Variants in ELL2 observed in about 807,000 individuals in gnomAD.
The protein encoded by ELL2 is RNA polymerase II elongation factor ELL2.
Under a neutral mutation model 72.8 loss-of-function variants are expected in ELL2, and 21 were observed. The observed-to-expected ratio is 0.29, with a 90% CI of 0.20 to 0.42. ELL2 has a LOEUF of 0.42. Ranked by LOEUF, ELL2 falls within the 10% of genes least tolerant of loss-of-function variation. The pLI is 1.00. For missense variants in ELL2, 568 were observed against 772.8 expected, an observed-to-expected ratio of 0.73 and a Z score of 3.14; for synonymous variants, 266 against 283.2, an observed-to-expected ratio of 0.94 and a Z score of 0.61.
At position 95,960,322 on chromosome 5, in the gene ELL2, G is replaced by A. The variant is rs257683; in HGVS notation, c.147+1253C>T. ...CCCATATGGCATATCCCTCCCTCAC[G>A]CGATGTATCCACTCCGGTCTCCCAC... On this transcript the variant is annotated intron_variant, in intron 1 of 11. Coordinates refer to ENST00000237853, the MANE Select transcript of ELL2 (RefSeq NM_012081.6). Among the ~76,000 whole-genome samples the A allele has an allele frequency of 2.1e-3, 312 of 151,356 alleles. 2 individuals are homozygous for A. In the South Asian group the frequency reaches 0.029, roughly 14 times the overall value.
chr5:95,952,934 G>C (rs1320849011), intron 1 of ELL2, among the ~76,000 whole-genome samples: 1 of 152,204 alleles, frequency 6.6e-6, no homozygotes, highest in Non-Finnish European at 1.5e-5. Flanking sequence ...AGGCAGAGAG[G>C]TAGGAGGAAA....
In ELL2 at chr5:95,961,786, T is replaced by C; in HGVS notation, c.-65A>G. The C allele has an allele frequency of 1.3e-5, 19 of 1,491,528 alleles. No homozygotes were observed. Among genetic ancestry groups the C allele is most frequent in the Non-Finnish European group, 1.7e-5 (19 of 1,123,532 alleles). The allele number at this position is 1,491,528 out of a possible 1,614,324, so 92.4% of individuals were successfully genotyped here. On this transcript the variant is annotated 5_prime_UTR_variant, in exon 1 of 12. Coordinates refer to ENST00000237853, the MANE Select transcript of ELL2 (RefSeq NM_012081.6). ...CTCTAGCCTCCACTGCGGCCGCGGCTGCTTGGGCTTCTGCAGCCGCCGCCA... is the reference window on the plus strand; with the variant it reads ...CTCTAGCCTCCACTGCGGCCGCGGCCGCTTGGGCTTCTGCAGCCGCCGCCA...
chr5:95,907,296 A>ATATATATATTTTTTTTTT, intron 4 of ELL2, among the ~76,000 whole-genome samples: 73 of 116,472 alleles, frequency 6.3e-4, no homozygotes, highest in African/African-American at 2.7e-3. Flanking sequence ...ATATATATAT[A>ATATATATATTTTTTTTTT]TTTTTTTTTT....
chr5:95,888,897 G>C lies in ELL2; in HGVS notation c.1897C>G (p.Gln633Glu), dbSNP rs965443805. The change falls in exon 12 of 12, where the codon CAA becomes GAA. Residue 633 changes from glutamine to glutamate, a missense_variant. Gln to Glu is a conservative substitution (Grantham distance 29, BLOSUM62 2). This residue lies in a region of ELL2 where 511 missense variants were observed against 728.4 expected (regional missense o/e 0.70). Coordinates refer to ENST00000237853, the MANE Select transcript of ELL2 (RefSeq NM_012081.6). ...HIKRLIGEFD[Q>E]QQAESWS ...TAGGACCATGACTCTGCTTGCTGTTGGTCAAATTCACCTATTAGCCTTTTG... is the reference window on the plus strand; with the variant it reads ...TAGGACCATGACTCTGCTTGCTGTTCGTCAAATTCACCTATTAGCCTTTTG... The C allele has an allele frequency of 1.2e-6, 2 of 1,609,328 alleles. No homozygotes were observed. Among genetic ancestry groups the C allele is most frequent in the Non-Finnish European group, 1.7e-6 (2 of 1,179,174 alleles).
intron 3 of ELL2, among the ~76,000 whole-genome samples, chr5:95,916,026 G>C (rs971185715): frequency 6.6e-6 from 1 of 151,796 alleles, no homozygotes; most frequent in Non-Finnish European, 1.5e-5. Context: ...CAGAAGGAAA[G>C]AAAAGAGGCC....
chr5:95,907,296 A>ATCTTTTTTTTTTTTTTT, intron 4 of ELL2, among the ~76,000 whole-genome samples: 1 of 116,522 alleles, frequency 8.6e-6, no homozygotes, highest in Non-Finnish European at 1.6e-5. Context: ...ATATATATAT[A>ATCTTTTTTTTTTTTTTT]TTTTTTTTTT....
At chr5:95,928,808 C>G (rs1170477946) in intron 2 of ELL2, among the ~76,000 whole-genome samples, 2 of 152,172 alleles carry the variant, frequency 1.3e-5, no homozygotes, top group Non-Finnish European at 2.9e-5. Context: ...GTCAATATGA[C>G]TCTGTCAGTC....
chr5:95,947,507 C>T (rs1388348875), intron 1 of ELL2, among the ~76,000 whole-genome samples: 4 of 152,252 alleles, frequency 2.6e-5, no homozygotes, highest in Non-Finnish European at 5.9e-5. Context: ...TTATATCTAT[C>T]GTCTCAAGTG....
rs1384808837 is a variant in ELL2, at chr5:95,950,930, A to G, written c.148-7881T>C. ...TATATATATATATATATATATATATATATATATATATATATATATATATAA... is the reference window on the plus strand; with the variant it reads ...TATATATATATATATATATATATATGTATATATATATATATATATATATAA... On this transcript the variant is annotated intron_variant, in intron 1 of 11. Transcript: ENST00000237853. 1.3e-3 allele frequency among the ~76,000 whole-genome samples: 162 copies of G among 127,386 alleles called. 4 individuals are homozygous for G. The highest frequency in any genetic ancestry group is 4.8e-3 in the African/African-American group (154 of 32,240). 83.6% of individuals were successfully genotyped at this position (127,386 alleles called of 152,430 possible).
At chr5:95,931,805 A>AAAAAAAAAAAAAAAAAAAAAAAC (rs1750610163) in intron 2 of ELL2, among the ~76,000 whole-genome samples, 1 of 149,404 alleles carries the variant, frequency 6.7e-6, no homozygotes, top group African/African-American at 2.4e-5. Flanking sequence ...ATAAAAAAAA[A>AAAAAAAAAAAAAAAAAAAAAAAC]AAAAAAAAAA....
Position 95,898,336 on chromosome 5 carries a change from T to C in ELL2, c.1429A>G (p.Lys477Glu). ...TCCTCAATAGTCTCAATGTCGTGCTTTTTTATTTGGTCCTTTTCCTTATGT... is the reference window on the plus strand; with the variant it reads ...TCCTCAATAGTCTCAATGTCGTGCTCTTTTATTTGGTCCTTTTCCTTATGT... ...KKHKEKDQIKKHDIETIEEKE... is the reference protein window; with the variant it reads ...KKHKEKDQIKEHDIETIEEKE... The change falls in exon 8 of 12, where the codon AAG becomes GAG. Residue 477 changes from lysine (K) to glutamate (E), a missense_variant. Physicochemically the swap from Lys to Glu is moderately conservative, Grantham distance 56 (BLOSUM62 1). Around this residue, in one of 2 missense-constraint regions of ELL2, gnomAD observed 511 missense variants for 728.4 expected, o/e 0.70. Transcript: ENST00000237853. 1 of 1,613,744 alleles carries C rather than the reference T, an allele frequency of 6.2e-7. No individual in the cohort carries two copies. Among genetic ancestry groups the C allele is most frequent in the Non-Finnish European group, 8.5e-7 (1 of 1,179,858 alleles).
intron 8 of ELL2, 133 bp from the exon 9 acceptor site, chr5:95,895,824 AG>A: frequency 1.3e-6 from 1 of 749,200 alleles, no homozygotes; most frequent in Admixed American, 2.3e-5. Flanking sequence ...AATAAGCAAC[AG>A]TGAGCAAGGA....
At chr5:95,895,827 G>A in intron 8 of ELL2, 136 bp from the exon 9 acceptor site, 1 of 738,408 alleles carries the variant, frequency 1.4e-6, no homozygotes, top group Non-Finnish European at 2.3e-6. Flanking sequence ...AAGCAACAGT[G>A]AGCAAGGAAT....
At chr5:95,902,911 A>G (rs1443282066) in intron 5 of ELL2, among the ~76,000 whole-genome samples, 1 of 151,896 alleles carries the variant, frequency 6.6e-6, no homozygotes, top group African/African-American at 2.4e-5. Flanking sequence ...CCTCCTGAGT[A>G]GCTGGGACTA....
intron 2 of ELL2, among the ~76,000 whole-genome samples, chr5:95,934,341 T>G (rs1750700957): frequency 6.6e-6 from 1 of 152,138 alleles, no homozygotes; most frequent in Non-Finnish European, 1.5e-5. Flanking sequence ...CCCAATTTAG[T>G]TCTTTAATCA....
At chr5:95,889,882 T>C (rs549109576) in intron 10 of ELL2, among the ~76,000 whole-genome samples, 18 of 131,584 alleles carry the variant, frequency 1.4e-4, no homozygotes, top group African/African-American at 4.4e-4. Flanking sequence ...TCTGTGGGGA[T>C]TGGTGAGGGG....
intron 1 of ELL2, among the ~76,000 whole-genome samples, chr5:95,958,686 G>A (rs1751706458): frequency 6.6e-6 from 1 of 152,126 alleles, no homozygotes; most frequent in South Asian, 2.1e-4. Context: ...TCTACCACCA[G>A]TTTTGCAGGA....
At chr5:95,898,146 G>A in intron 8 of ELL2, 94 bp downstream of exon 8, 1 of 824,060 alleles carries the variant, frequency 1.2e-6, no homozygotes, top group Non-Finnish European at 1.8e-6. Flanking sequence ...ATAATTAAAT[G>A]AAACGTCATT....
intron 2 of ELL2, among the ~76,000 whole-genome samples, chr5:95,931,409 G>A (rs1246085547): frequency 1.3e-5 from 2 of 152,054 alleles, no homozygotes; most frequent in Admixed American, 1.3e-4. Context: ...ATTCTGACCT[G>A]TTTGATTCTA....
Sources: gnomAD v4.1 joint callset for allele counts (sites outside exome capture counted in the v4.1 genomes callset) on GRCh38, gnomAD v4.1.1 for gene constraint, gnomAD v4.1.1 regional missense constraint, MANE v1.5 for transcripts, NCBI Gene and HGNC (gene_info 2026-07-23, HGNC 2026-07-21) for gene names.